Variants in RANBP2 observed in about 807,000 individuals in gnomAD.
The protein encoded by RANBP2 is E3 SUMO-protein ligase RanBP2.
Under a neutral mutation model 303.6 loss-of-function variants are expected in RANBP2, and 57 were observed. That is an observed-to-expected ratio of 0.19 (90% confidence interval 0.15 to 0.23). The LOEUF (loss-of-function observed/expected upper bound fraction) is 0.23. Among genes scored for constraint, RANBP2 ranks in the 10% least tolerant of loss-of-function variants. The pLI, the probability that RANBP2 is intolerant of heterozygous loss-of-function variation, is 1.00. For missense variants in RANBP2, 3,138 were observed against 3,780.8 expected (o/e 0.83, Z 4.46); for synonymous variants, 1,167 against 1,301.5 (o/e 0.90, Z 2.23).
the RANBP2 span, among the ~76,000 whole-genome samples, chr2:108,843,861 TGTGTGTGTGTGTGTG>T: frequency 1.4e-5 from 2 of 140,672 alleles, no homozygotes; most frequent in Non-Finnish European, 3.0e-5. Context: ...TGTGTGTGTG[TGTGTGTGTGTGTGTG>T]TGTTTCTTTC....
the RANBP2 span, among the ~76,000 whole-genome samples, chr2:109,232,001 A>G: frequency 6.6e-6 from 1 of 152,358 alleles, no homozygotes; most frequent in Admixed American, 6.5e-5. Flanking sequence ...ACTGATGTGT[A>G]TGAATCTGCC....
chr2:109,386,551 C>T, the RANBP2 span, among the ~76,000 whole-genome samples: 2 of 152,156 alleles, frequency 1.3e-5, no homozygotes, highest in African/African-American at 2.4e-5. Context: ...CCTTGGTTTG[C>T]GGCCCTTGAG....
At chr2:109,238,760 C>T in the RANBP2 span, among the ~76,000 whole-genome samples, 3 of 152,150 alleles carry the variant, frequency 2.0e-5, no homozygotes, top group African/African-American at 4.8e-5. Flanking sequence ...ATGCTTGCAT[C>T]CTCTGTGGCT....
At chr2:109,681,317 T>C in the RANBP2 span, among the ~76,000 whole-genome samples, 2 of 152,262 alleles carry the variant, frequency 1.3e-5, no homozygotes, top group Admixed American at 6.5e-5. Context: ...CAGGTTGTGC[T>C]CAGCAATGTG....
At chr2:108,863,529 T>C in the RANBP2 span, among the ~76,000 whole-genome samples, 1 of 152,190 alleles carries the variant, frequency 6.6e-6, no homozygotes, top group South Asian at 2.1e-4. Flanking sequence ...TGGGAAGAGC[T>C]TTGTTGGGCA....
chr2:109,089,341 G>A, the RANBP2 span, among the ~76,000 whole-genome samples: 2 of 152,092 alleles, frequency 1.3e-5, no homozygotes. Flanking sequence ...AGTGGCTCAT[G>A]CCTGTAATCC....
the RANBP2 span, among the ~76,000 whole-genome samples, chr2:109,268,199 A>G: frequency 6.6e-6 from 1 of 152,044 alleles, no homozygotes; most frequent in Non-Finnish European, 1.5e-5. Flanking sequence ...GCAGGCTAGA[A>G]TAGGTTTATC....
At chr2:109,726,900 A>C in the RANBP2 span, among the ~76,000 whole-genome samples, 5 of 152,174 alleles carry the variant, frequency 3.3e-5, no homozygotes, top group Non-Finnish European at 5.9e-5. Context: ...ATGCCACTAC[A>C]TGACATGCCC....
At chr2:109,009,649 C>G in the RANBP2 span, among the ~76,000 whole-genome samples, 1 of 151,844 alleles carries the variant, frequency 6.6e-6, no homozygotes, top group South Asian at 2.1e-4. Context: ...CCTGAGCCTC[C>G]CGAATAGCCT....
chr2:109,368,070 T>A, the RANBP2 span, among the ~76,000 whole-genome samples: 34 of 152,378 alleles, frequency 2.2e-4, 1 homozygote, highest in South Asian at 6.8e-3. Flanking sequence ...CATTTTAAAA[T>A]ATGTTTAATG....
At chr2:108,910,901 G>A in the RANBP2 span, 1 of 1,614,032 alleles carries the variant, frequency 6.2e-7, no homozygotes, top group Non-Finnish European at 8.5e-7. Flanking sequence ...AGGGGGAGTT[G>A]ACGGAGAGTC....
At chr2:109,493,209 ACACT>A in the RANBP2 span, among the ~76,000 whole-genome samples, 2,178 of 151,868 alleles carry the variant, frequency 0.014, 47 homozygotes, top group African/African-American at 0.05. Flanking sequence ...TATCATATAA[ACACT>A]CACACATTAC....
the RANBP2 span, among the ~76,000 whole-genome samples, chr2:108,832,271 C>G: frequency 1.3e-5 from 2 of 151,574 alleles, no homozygotes; most frequent in African/African-American, 4.9e-5. Flanking sequence ...AAGTGATCTG[C>G]CTGCCTCAGC....
At chr2:109,755,287 A>G in the RANBP2 span, among the ~76,000 whole-genome samples, 1 of 140,236 alleles carries the variant, frequency 7.1e-6, no homozygotes, top group African/African-American at 2.7e-5. Context: ...TCAATAATTC[A>G]CTGAAATAAC....
chr2:109,384,155 G>T, the RANBP2 span, among the ~76,000 whole-genome samples: 1 of 152,174 alleles, frequency 6.6e-6, no homozygotes, highest in Non-Finnish European at 1.5e-5. Context: ...CTTCCAGGCC[G>T]CCTGGGGTCC....
At chr2:109,195,502 T>G in the RANBP2 span, among the ~76,000 whole-genome samples, 1 of 152,228 alleles carries the variant, frequency 6.6e-6, no homozygotes, top group Non-Finnish European at 1.5e-5. Flanking sequence ...GTAGGCTTTA[T>G]TTTGGAAACC....
At chr2:109,715,414 T>C in the RANBP2 span, among the ~76,000 whole-genome samples, 4 of 152,194 alleles carry the variant, frequency 2.6e-5, no homozygotes, top group Non-Finnish European at 5.9e-5. Flanking sequence ...TTGATTAATT[T>C]GCTAGAGTGG....
the RANBP2 span, chr2:109,592,909 C>G: frequency 2.2e-6 from 1 of 446,598 alleles, no homozygotes; most frequent in Middle Eastern, 3.5e-4. Flanking sequence ...TCACTTGAAT[C>G]AACAGAAAAA....
At chr2:108,952,982 T>G in the RANBP2 span, among the ~76,000 whole-genome samples, 2 of 152,228 alleles carry the variant, frequency 1.3e-5, no homozygotes, top group Non-Finnish European at 2.9e-5. Context: ...TTCTGAGGTC[T>G]TTTTAAAAAA....
Sources: gnomAD v4.1 joint callset for allele counts (sites outside exome capture counted in the v4.1 genomes callset) on GRCh38, gnomAD v4.1.1 for gene constraint, MANE v1.5 for transcripts, NCBI Gene and HGNC (gene_info 2026-07-23, HGNC 2026-07-21) for gene names.